The following RAP1GAP2 variants were observed in gnomAD, a reference collection of about 807,000 sequenced individuals.
RAP1GAP2 encodes RAP1 GTPase activating protein 2, also known as rap1 GTPase-activating protein 2.
In RAP1GAP2, 27 loss-of-function variants were observed where a neutral mutation model predicts 95.0. The ratio of observed to expected loss-of-function variants is 0.28; its 90% CI spans 0.21 to 0.39. The LOEUF is 0.39. RAP1GAP2 is among the 10% of genes least tolerant of loss of function. RAP1GAP2 has a pLI of 1.00. For missense variants in RAP1GAP2, 771 were observed against 970.0 expected, an observed-to-expected ratio of 0.79 and a Z score of 2.72; for synonymous variants, 373 against 380.9, an observed-to-expected ratio of 0.98 and a Z score of 0.24.
intron 1 of RAP1GAP2, among the ~76,000 whole-genome samples, chr17:2,783,355 C>A (rs2068701904): frequency 6.6e-6 from 1 of 152,218 alleles, no homozygotes; most frequent in Non-Finnish European, 1.5e-5. Flanking sequence ...TCCTAACCCC[C>A]TCTTCCCCAC....
rs1453796355 is a variant in RAP1GAP2, at chr17:2,769,274, GT to G, written c.51-1054del. On this transcript the variant is annotated intron_variant, in intron 1 of 25. Transcript: ENST00000637138. ...AAAAAAAAAAAAAAAAAAAAAAAAG[GT>G]CTGGGTGCGGTGGCTCACGCCTGTA... 2.8e-4 allele frequency among the ~76,000 whole-genome samples: 30 copies of G among 105,970 alleles called. 1 individual carries two copies. The highest frequency in any genetic ancestry group is 1.0e-3 in the African/African-American group (28 of 27,058). 69.5% of individuals were successfully genotyped at this position (105,970 alleles called of 152,430 possible). A position where few individuals can be genotyped will look rare whatever the true frequency, so the allele number is the denominator to read the frequency against.
chr17:2,850,662 A>G (rs1274528376), intron 2 of RAP1GAP2, among the ~76,000 whole-genome samples: 1 of 148,510 alleles, frequency 6.7e-6, no homozygotes, highest in Admixed American at 6.8e-5. Flanking sequence ...AGGCAGGGGA[A>G]TGGCATGAAC....
chr17:2,775,121 C>T (rs12600609), upstream of RAP1GAP2, among the ~76,000 whole-genome samples: 4,762 of 151,964 alleles, frequency 0.031, 132 homozygotes, highest in East Asian at 0.12. Flanking sequence ...TGTGAGGCAC[C>T]GCGCCCGGCC....
intron 2 of RAP1GAP2, among the ~76,000 whole-genome samples, chr17:2,852,254 C>T (rs1444536914): frequency 2.6e-5 from 4 of 151,478 alleles, no homozygotes; most frequent in South Asian, 4.2e-4. Context: ...GAGTGGGGCC[C>T]GGGTCATTCA....
At chr17:2,849,712 A>ACAGG (rs2071745470) in intron 2 of RAP1GAP2, among the ~76,000 whole-genome samples, 1 of 152,168 alleles carries the variant, frequency 6.6e-6, no homozygotes, top group Non-Finnish European at 1.5e-5. Flanking sequence ...GGAGGCTGGA[A>ACAGG]CAGGCCATGG....
intron 9 of RAP1GAP2, among the ~76,000 whole-genome samples, chr17:2,980,619 T>G (rs2151535615): frequency 6.6e-6 from 1 of 152,286 alleles, no homozygotes; most frequent in African/African-American, 2.4e-5. Flanking sequence ...GGTCTCTACT[T>G]CCAGGTAGTT....
chr17:2,779,031 G>C (rs2068575718), intron 1 of RAP1GAP2, among the ~76,000 whole-genome samples: 1 of 152,124 alleles, frequency 6.6e-6, no homozygotes, highest in African/African-American at 2.4e-5. Flanking sequence ...GGTTCCCTGT[G>C]GGTACTCCAC....
rs2072079732 is a variant in RAP1GAP2 at position 2,855,158 on chromosome 17, C to G, written c.81-50126C>G. 6.6e-6 allele frequency among the ~76,000 whole-genome samples: 1 copy of G among 152,078 alleles called. No homozygotes were observed. Among genetic ancestry groups the G allele is most frequent in the Non-Finnish European group, 1.5e-5 (1 of 68,004 alleles). ...ATGGATTGCCCTTGTGGTGGGTTGTCCCCCATTCCTCTCGTCCCCCCTTCC... is the reference window on the plus strand; with the variant it reads ...ATGGATTGCCCTTGTGGTGGGTTGTGCCCCATTCCTCTCGTCCCCCCTTCC... On this transcript the variant is annotated intron_variant, in intron 2 of 24. Coordinates refer to ENST00000254695, the MANE Select transcript of RAP1GAP2 (RefSeq NM_015085.5). The surrounding 1 kb of genome is among the most constrained non-coding windows in gnomAD (Gnocchi z 4.3).
chr17:2,874,832 G>T (rs1243811124), intron 2 of RAP1GAP2, among the ~76,000 whole-genome samples: 1 of 152,130 alleles, frequency 6.6e-6, no homozygotes, highest in Non-Finnish European at 1.5e-5. Context: ...CAGCCACTCT[G>T]GTTCTGGACC....
chr17:2,850,094 G>A (rs1158894601), intron 2 of RAP1GAP2, among the ~76,000 whole-genome samples: 9 of 143,318 alleles, frequency 6.3e-5, no homozygotes, highest in African/African-American at 1.0e-4. Context: ...TCTGCCTCCC[G>A]GGTTCATGCC....
chr17:2,957,849 G>T (rs1277819549), intron 4 of RAP1GAP2, 55 bp downstream of exon 4: 11 of 1,524,470 alleles, frequency 7.2e-6, no homozygotes, highest in African/African-American at 5.6e-5. Flanking sequence ...GATGTGGGTG[G>T]CATAGGGACC....
intron 2 of RAP1GAP2, among the ~76,000 whole-genome samples, chr17:2,863,810 G>C (rs367593621): frequency 6.6e-6 from 1 of 152,008 alleles, no homozygotes; most frequent in African/African-American, 2.4e-5. Flanking sequence ...TAATCCCAGC[G>C]CCTTGGGAGG....
intron 1 of RAP1GAP2, among the ~76,000 whole-genome samples, chr17:2,756,438 C>A (rs1355027217): frequency 6.6e-6 from 1 of 152,222 alleles, no homozygotes; most frequent in African/African-American, 2.4e-5. Context: ...AGACGCAGCG[C>A]TGTCGAGTCA....
chr17:2,996,807 GA>G (rs1239635490), intron 13 of RAP1GAP2, among the ~76,000 whole-genome samples: 2 of 152,232 alleles, frequency 1.3e-5, no homozygotes, highest in African/African-American at 4.8e-5. Context: ...TGGAGTAAGT[GA>G]GGCAATTTGT....
intron 2 of RAP1GAP2, among the ~76,000 whole-genome samples, chr17:2,831,267 G>A (rs2070841257): frequency 6.7e-6 from 1 of 149,390 alleles, no homozygotes; most frequent in African/African-American, 2.5e-5. Flanking sequence ...AGTAGAGATG[G>A]GATTTCACTA....
Position 2,761,758 on chromosome 17 carries a change from A to G in RAP1GAP2, c.50+5991A>G, listed in dbSNP as rs143550605. Among the ~76,000 whole-genome samples, 365 of 152,286 alleles carry G rather than the reference A, an allele frequency of 2.4e-3. 3 individuals carry two copies. Among genetic ancestry groups the G allele is most frequent in the South Asian group, 9.7e-3 (47 of 4,822 alleles). ...GAATTTGTTTGAGAAAAGAAATACA[A>G]TAAAATAAATAAATTGGTGCTGGGT... On this transcript the variant is annotated intron_variant, in intron 1 of 25. Transcript: ENST00000637138.
intron 12 of RAP1GAP2, among the ~76,000 whole-genome samples, chr17:2,993,691 C>G (rs2045856670): frequency 6.6e-6 from 1 of 152,162 alleles, no homozygotes; most frequent in East Asian, 1.9e-4. Context: ...TTGCCACCTT[C>G]CATTGACTTT....
chr17:2,758,183 T>TCCCA (rs2071183798), intron 1 of RAP1GAP2, among the ~76,000 whole-genome samples: 1 of 109,608 alleles, frequency 9.1e-6, no homozygotes, highest in African/African-American at 3.7e-5. Context: ...CCCCCCCCCT[T>TCCCA]TTTTTTTTTT....
rs374326724 is a variant in RAP1GAP2, at chr17:2,963,402, C to T, written c.247-28C>T. On this transcript the variant is annotated intron_variant, in intron 5 of 24. Transcript: ENST00000254695. The surrounding 1 kb of genome is among the most constrained non-coding windows in gnomAD (Gnocchi z 4.8). ...ACTTTACGGGCACTGCCGGGACTAA[C>T]GGTGGCATCATCTGGTTTGTCTTGC... 4.3e-5 allele frequency: 70 copies of T among 1,613,574 alleles called. No homozygotes were observed. Among genetic ancestry groups the T allele is most frequent in the Admixed American group, 2.2e-4 (13 of 59,984 alleles).
Sources: gnomAD v4.1 joint callset for allele counts (sites outside exome capture counted in the v4.1 genomes callset) on GRCh38, gnomAD v4.1.1 for gene constraint, Gnocchi (gnomAD v3.1) non-coding constraint, MANE v1.5 for transcripts, NCBI Gene and HGNC (gene_info 2026-07-23, HGNC 2026-07-21) for gene names.